Variants in ARHGAP28 observed in about 807,000 individuals in gnomAD.
The protein encoded by ARHGAP28 is rho GTPase-activating protein 28.
In ARHGAP28, 56 loss-of-function variants were observed where a neutral mutation model predicts 90.7. The observed-to-expected ratio is 0.62, with a 90% CI of 0.50 to 0.77. ARHGAP28 has a LOEUF of 0.77. Ranked by LOEUF, ARHGAP28 falls within the 30% of genes least tolerant of loss-of-function variation. ARHGAP28 has a pLI of 0.00. For missense variants in ARHGAP28, 869 were observed against 900.9 expected, an observed-to-expected ratio of 0.96 and a Z score of 0.45; for synonymous variants, 308 against 323.3, an observed-to-expected ratio of 0.95 and a Z score of 0.51.
intron 10 of ARHGAP28, among the ~76,000 whole-genome samples, chr18:6,878,813 C>T (rs2057154197): frequency 6.6e-6 from 1 of 152,202 alleles, no homozygotes; most frequent in Non-Finnish European, 1.5e-5. Context: ...CCGGGAAACA[C>T]TGCCGTTAGA....
At chr18:6,844,182 A>G (rs766446279) in intron 3 of ARHGAP28, among the ~76,000 whole-genome samples, 8 of 152,238 alleles carry the variant, frequency 5.3e-5, no homozygotes, top group Non-Finnish European at 1.2e-4. Flanking sequence ...TGCTGTAAAA[A>G]TGATTATATA....
chr18:6,821,334 G>C (rs916404108), intron 1 of ARHGAP28, among the ~76,000 whole-genome samples: 3 of 152,222 alleles, frequency 2.0e-5, no homozygotes, highest in South Asian at 4.1e-4. Context: ...AAACCTTGTG[G>C]TGTTTTTCCA....
At chr18:6,798,842 C>T (rs1388708274) in intron 1 of ARHGAP28, among the ~76,000 whole-genome samples, 1 of 152,192 alleles carries the variant, frequency 6.6e-6, no homozygotes, top group Middle Eastern at 3.2e-3. Context: ...AAAATAAAAG[C>T]ATTTCCATAT....
At chr18:6,888,636 C>T (rs925841908) in intron 12 of ARHGAP28, among the ~76,000 whole-genome samples, 1 of 152,012 alleles carries the variant, frequency 6.6e-6, no homozygotes, top group Admixed American at 6.5e-5. Flanking sequence ...ACAGAGTGTT[C>T]TTTTATCAAA....
chr18:6,857,932 G>A (rs772986156), intron 4 of ARHGAP28, among the ~76,000 whole-genome samples: 3 of 152,170 alleles, frequency 2.0e-5, no homozygotes, highest in East Asian at 3.9e-4. Context: ...TGAGTAGGGG[G>A]TGCTTAATAA....
chr18:6,890,037 G>A lies in ARHGAP28; in HGVS notation c.1686G>A (p.Ala562=), dbSNP rs150773226. The change falls in exon 13 of 18, where the codon GCG becomes GCA. Residue 562 remains alanine, a synonymous_variant. Coordinates refer to ENST00000383472, the MANE Select transcript of ARHGAP28 (RefSeq NM_001366230.1). ...AAGAATTACTGTTAGCAAACACTGC[G>A]GCCCACATCATCCGCCTAATGCTTA... ...DYEELLLANT[A]AHIIRLMLKY... is the part of the protein sequence containing the mutation. 24 of 1,614,018 alleles carry A rather than the reference G, an allele frequency of 1.5e-5. No homozygotes were observed. Among genetic ancestry groups the A allele is most frequent in the African/African-American group, 9.3e-5 (7 of 74,904 alleles).
In ARHGAP28 at chr18:6,913,175, G is replaced by A. The variant is rs1391964356; in HGVS notation, c.*1021G>A. 1.3e-5 allele frequency: 2 copies of A among 152,324 alleles called. No homozygotes were observed. The highest frequency in any genetic ancestry group is 2.1e-4 in the South Asian group (1 of 4,818). 9.4% of individuals were successfully genotyped at this position (152,324 alleles called of 1,614,324 possible). On this transcript the variant is annotated 3_prime_UTR_variant, in exon 18 of 18. Coordinates refer to ENST00000383472, the MANE Select transcript of ARHGAP28 (RefSeq NM_001366230.1). ...TTAATCATAGGCATGGCCGAGCATT[G>A]TGGATTAGCCTGAGGCTTAAAATCA...
intron 3 of ARHGAP28, among the ~76,000 whole-genome samples, chr18:6,841,164 TCTCCTCTCTCTCTCTC>T (rs1480738419): frequency 7.0e-5 from 7 of 100,466 alleles, no homozygotes; most frequent in South Asian, 3.4e-4. Context: ...TCTTTCTCTC[TCTCCTCTCTCTCTCTC>T]CTCTCTCTCT....
intron 1 of ARHGAP28, among the ~76,000 whole-genome samples, chr18:6,769,748 G>A (rs2056227658): frequency 6.6e-6 from 1 of 152,170 alleles, no homozygotes; most frequent in Non-Finnish European, 1.5e-5. Context: ...TTGTACTACA[G>A]CTATTTCTAT....
intron 14 of ARHGAP28, among the ~76,000 whole-genome samples, chr18:6,891,938 G>A (rs2057268962): frequency 2.6e-5 from 4 of 152,114 alleles, no homozygotes. Context: ...AGGAGGAAGA[G>A]TGAAAGTCCA....
chr18:6,797,808 C>T (rs1421623768), intron 1 of ARHGAP28, among the ~76,000 whole-genome samples: 2 of 151,978 alleles, frequency 1.3e-5, no homozygotes, highest in African/African-American at 2.4e-5. Flanking sequence ...GTTACAGTCA[C>T]GCGCCACCAC....
intron 1 of ARHGAP28, among the ~76,000 whole-genome samples, chr18:6,767,015 C>T (rs2056205059): frequency 6.6e-6 from 1 of 152,164 alleles, no homozygotes; most frequent in South Asian, 2.1e-4. Context: ...TACTATTTAT[C>T]CCATCTGTTC....
rs1166660705 is a variant in ARHGAP28 at position 6,914,537 on chromosome 18, C to G, written c.*2383C>G. On this transcript the variant is annotated 3_prime_UTR_variant, in exon 18 of 18. Transcript: ENST00000383472. ...ATTCCTAAGAATAAACAAACCCCTA[C>G]AGTTAAAATGCAAAGATGCCTGTCA... The G allele has an allele frequency of 1.3e-5, 2 of 152,110 alleles. No homozygotes were observed. Among genetic ancestry groups the G allele is most frequent in the African/African-American group, 4.8e-5 (2 of 41,424 alleles). 9.4% of individuals were successfully genotyped at this position (152,110 alleles called of 1,614,324 possible).
intron 1 of ARHGAP28, among the ~76,000 whole-genome samples, chr18:6,745,317 A>G (rs1335726547): frequency 1.3e-5 from 2 of 152,128 alleles, no homozygotes; most frequent in Non-Finnish European, 2.9e-5. Flanking sequence ...ACCAAGGAAC[A>G]TTTCTTCACC....
chr18:6,877,859 G>C (rs969466512), intron 10 of ARHGAP28, among the ~76,000 whole-genome samples: 11 of 152,124 alleles, frequency 7.2e-5, no homozygotes, highest in Non-Finnish European at 1.6e-4. Flanking sequence ...CAAAATGAAA[G>C]AAAGAAATTT....
rs2056607995 is a variant in ARHGAP28, at chr18:6,818,756, T to C, written c.123-6006T>C. Among the ~76,000 whole-genome samples, 2 of 152,194 alleles carry C rather than the reference T, an allele frequency of 1.3e-5. 1 individual carries two copies. The highest frequency in any genetic ancestry group is 4.1e-4 in the South Asian group (2 of 4,828). On this transcript the variant is annotated intron_variant, in intron 1 of 17. Transcript: ENST00000383472. ...GAAGAAAGAGCAGAAAGAGTAAATT[T>C]CCTAAGGGAAGAAAGAACTTGGCTT...
At chr18:6,761,278 C>A (rs779620082) in intron 1 of ARHGAP28, among the ~76,000 whole-genome samples, 19 of 152,124 alleles carry the variant, frequency 1.2e-4, no homozygotes, top group Non-Finnish European at 2.6e-4. Flanking sequence ...TGTGGAAACT[C>A]ATTAGGCAAT....
At chr18:6,757,472 G>C (rs899317226) in intron 1 of ARHGAP28, among the ~76,000 whole-genome samples, 1 of 152,060 alleles carries the variant, frequency 6.6e-6, no homozygotes, top group African/African-American at 2.4e-5. Flanking sequence ...GGAATTCTAG[G>C]AACATACCGA....
At chr18:6,823,415 G>A (rs957122021) in intron 1 of ARHGAP28, among the ~76,000 whole-genome samples, 22 of 151,898 alleles carry the variant, frequency 1.4e-4, no homozygotes, top group African/African-American at 5.3e-4. Context: ...CATTTTGCTT[G>A]TCCATTCATC....
Sources: allele counts gnomAD v4.1 joint callset (sites outside exome capture counted in the v4.1 genomes callset), GRCh38; gene constraint gnomAD v4.1.1; transcripts MANE v1.5; gene names NCBI Gene and HGNC (gene_info 2026-07-23, HGNC 2026-07-21).